Variants in L3MBTL3 observed in about 807,000 individuals in gnomAD.
L3MBTL3 encodes L3MBTL histone methyl-lysine binding protein 3.
A neutral mutation model predicts 102.3 loss-of-function variants in L3MBTL3; 27 were observed. That is an observed-to-expected ratio of 0.26 (90% confidence interval 0.19 to 0.36). The LOEUF (loss-of-function observed/expected upper bound fraction) is 0.36. Among genes scored for constraint, L3MBTL3 ranks in the 10% least tolerant of loss-of-function variants. The pLI is 1.00. For synonymous variants in L3MBTL3, 340 were observed against 320.9 expected (o/e 1.06, Z -0.64); for missense variants, 798 against 955.3 (o/e 0.84, Z 2.17).
intron 10 of L3MBTL3, among the ~76,000 whole-genome samples, chr6:130,065,981 G>A (rs1239740670): frequency 6.6e-6 from 1 of 152,102 alleles, no homozygotes; most frequent in African/African-American, 2.4e-5. Context: ...GTCCACTCTG[G>A]GGCCATGCTA....
Position 130,104,505 on chromosome 6 carries a change from C to G in L3MBTL3, c.1816C>G (p.Pro606Ala). 6.3e-7 allele frequency: 1 copy of G among 1,596,582 alleles called. No individual in the cohort carries two copies. The highest frequency in any genetic ancestry group is 8.5e-7 in the Non-Finnish European group (1 of 1,172,546). ...AGACCGCTTAAGTGGTGAGATGCCT[C>G]CGGCTAGTCCGTCATTTCCAAGAAA... ...FPDRLSGEMP[P>A]ASPSFPRNKR... Residue 606 changes from proline (P) to alanine (A), a missense_variant, in exon 19 of 23, where the codon CCG becomes GCG. By Grantham distance (27) the Pro-to-Ala change is conservative (BLOSUM62 -1). Transcript: ENST00000361794.
At chr6:130,020,990 G>A (rs1406547268) in intron 1 of L3MBTL3, among the ~76,000 whole-genome samples, 3 of 151,906 alleles carry the variant, frequency 2.0e-5, no homozygotes, top group Non-Finnish European at 2.9e-5. Context: ...TTTGGGGTGG[G>A]GGGGCGCGGC....
At position 130,092,836 on chromosome 6, in the gene L3MBTL3, G is replaced by A; in HGVS notation, c.1610G>A (p.Gly537Glu). ...CCTGTAGGCTGGTGTTCAAAAACAG[G>A]ACATCCCCTTCAGCCTCCTTTGAGT... ...IHPVGWCSKT[G>E]HPLQPPLSPL... Residue 537 changes from glycine to glutamate, a missense_variant, in exon 17 of 23, where the codon GGA becomes GAA. Gly to Glu is a moderately conservative substitution (Grantham distance 98, BLOSUM62 -2). This residue lies in a region of L3MBTL3 where 306 missense variants were observed against 314.4 expected (regional missense o/e 0.97). Transcript: ENST00000361794. The A allele has an allele frequency of 6.2e-7, 1 of 1,608,864 alleles. No homozygotes were observed. Among genetic ancestry groups the A allele is most frequent in the Non-Finnish European group, 8.5e-7 (1 of 1,175,386 alleles).
chr6:130,112,954 T>A (rs530233359), intron 19 of L3MBTL3, among the ~76,000 whole-genome samples: 1 of 152,322 alleles, frequency 6.6e-6, no homozygotes, highest in African/African-American at 2.4e-5. Context: ...TTCCTCACTG[T>A]GGACAGTGGC....
chr6:130,042,612 A>C lies in L3MBTL3; in HGVS notation c.-15-73A>C, dbSNP rs1248001028. The C allele has an allele frequency of 3.6e-6, 3 of 834,328 alleles. No homozygotes were observed. The African/African-American group carries it at 5.1e-5, about 14-fold the overall frequency. The allele number at this position is 834,328 out of a possible 1,614,324, so 51.7% of individuals were successfully genotyped here. Reference sequence around the variant, plus strand: ...AAATTATGTAATTAAGGGAAACTGAACTAACGAGTACTAAATTAAAAACAG... The same window carrying C: ...AAATTATGTAATTAAGGGAAACTGACCTAACGAGTACTAAATTAAAAACAG... On this transcript the variant is annotated intron_variant, in intron 2 of 22. Coordinates refer to ENST00000361794, the MANE Select transcript of L3MBTL3 (RefSeq NM_032438.4).
chr6:130,030,455 G>A (rs1039512941), intron 2 of L3MBTL3, among the ~76,000 whole-genome samples: 4 of 151,876 alleles, frequency 2.6e-5, no homozygotes, highest in African/African-American at 7.3e-5. Flanking sequence ...GAGGTCAGGA[G>A]ATCGAGACCA....
chr6:130,046,313 G>A (rs1425981050), intron 3 of L3MBTL3, among the ~76,000 whole-genome samples: 1 of 152,086 alleles, frequency 6.6e-6, no homozygotes, highest in Non-Finnish European at 1.5e-5. Context: ...TTTTTGCCTT[G>A]CTTTGATTAA....
intron 22 of L3MBTL3, 48 bp from the exon 23 acceptor site, chr6:130,139,562 A>G (rs753090765): frequency 6.4e-7 from 1 of 1,562,874 alleles, no homozygotes; most frequent in South Asian, 1.1e-5. Context: ...TTTCTACAAC[A>G]CTGCATCTTG....
intron 19 of L3MBTL3, among the ~76,000 whole-genome samples, chr6:130,111,855 A>G (rs938315183): frequency 1.3e-5 from 2 of 152,192 alleles, no homozygotes; most frequent in African/African-American, 4.8e-5. Context: ...CCCCTGCTCA[A>G]AACTCAATGA....
chr6:130,104,506 C>G lies in L3MBTL3; in HGVS notation c.1817C>G (p.Pro606Arg). Residue 606 changes from proline to arginine, a missense_variant, in exon 19 of 23, where the codon CCG (proline) becomes CGG (arginine). By Grantham distance (103) the Pro-to-Arg change is moderately radical. Coordinates refer to ENST00000361794, the MANE Select transcript of L3MBTL3 (RefSeq NM_032438.4). Reference protein sequence around the residue: ...FPDRLSGEMPPASPSFPRNKR... With the variant: ...FPDRLSGEMPRASPSFPRNKR... ...GACCGCTTAAGTGGTGAGATGCCTC[C>G]GGCTAGTCCGTCATTTCCAAGAAAT... 1 of 1,595,456 alleles carries G rather than the reference C, an allele frequency of 6.3e-7. No individual in the cohort carries two copies. The highest frequency in any genetic ancestry group is 8.5e-7 in the Non-Finnish European group (1 of 1,171,926).
At chr6:130,070,827 G>C in intron 12 of L3MBTL3, 149 bp from the exon 13 acceptor site, 1 of 165,272 alleles carries the variant, frequency 6.1e-6, no homozygotes, top group Admixed American at 7.6e-5. Flanking sequence ...GTTGGAAAGC[G>C]ACCCTGCTGT....
At chr6:130,021,469 G>A (rs1779011495) in intron 1 of L3MBTL3, among the ~76,000 whole-genome samples, 1 of 152,198 alleles carries the variant, frequency 6.6e-6, no homozygotes, top group South Asian at 2.1e-4. Context: ...CTTTTATTCA[G>A]AGATTTGAGA....
chr6:130,058,149 C>CAA lies in L3MBTL3; in HGVS notation c.759+678_759+679dup, dbSNP rs61250078. Among the ~76,000 whole-genome samples, 404 of 89,112 alleles carry CAA rather than the reference C, an allele frequency of 4.5e-3. 50 individuals carry two copies. The highest frequency in any genetic ancestry group is 0.021 in the African/African-American group (366 of 17,352). 58.5% of individuals were successfully genotyped at this position (89,112 alleles called of 152,430 possible). On this transcript the variant is annotated intron_variant, in intron 9 of 22. Transcript: ENST00000361794. The stretch of plus-strand genomic sequence containing the variant: ...TGGGCAACAGAGCAAGACTCCGTCT[C>CAA]AAAAAAAAAAAAAAAAAAAAAAAAA...
intron 13 of L3MBTL3, 137 bp from the exon 14 acceptor site, chr6:130,078,420 AT>A: frequency 3.1e-5 from 17 of 556,056 alleles, no homozygotes; most frequent in Admixed American, 1.1e-4. Flanking sequence ...TTGGTTTAGC[AT>A]TTTTTTCCAA....
intron 2 of L3MBTL3, among the ~76,000 whole-genome samples, chr6:130,041,837 A>G (rs971812730): frequency 6.6e-6 from 1 of 152,176 alleles, no homozygotes; most frequent in Non-Finnish European, 1.5e-5. Context: ...AGCTTCTTCT[A>G]TGGGGAGAAT....
chr6:130,041,674 C>A (rs960598424), intron 2 of L3MBTL3, among the ~76,000 whole-genome samples: 1 of 152,120 alleles, frequency 6.6e-6, no homozygotes, highest in Non-Finnish European at 1.5e-5. Context: ...CTTTCTTTGG[C>A]CAGAAGAAAG....
At position 130,052,901 on chromosome 6, in the gene L3MBTL3, A is replaced by G. The variant is rs1781194854; in HGVS notation, c.492A>G (p.Glu164=). The change falls in exon 7 of 23, where the codon GAA becomes GAG. Residue 164 remains glutamate, a synonymous_variant. Coordinates refer to ENST00000361794, the MANE Select transcript of L3MBTL3 (RefSeq NM_032438.4). ...GGGACGTAGAAGAAGACAATGAGGAAGAAGATCCTAAGTGTAGTCGGAAGA... is the reference window on the plus strand; with the variant it reads ...GGGACGTAGAAGAAGACAATGAGGAGGAAGATCCTAAGTGTAGTCGGAAGA... The part of the protein sequence containing the change: ...EERDVEEDNE[E]EDPKCSRKKK... The G allele has an allele frequency of 1.2e-6, 2 of 1,613,892 alleles. No individual in the cohort carries two copies. The highest frequency in any genetic ancestry group is 8.5e-7 in the Non-Finnish European group (1 of 1,179,870).
At chr6:130,118,663 AAAT>A (rs760451350) in intron 19 of L3MBTL3, among the ~76,000 whole-genome samples, 49 of 152,198 alleles carry the variant, frequency 3.2e-4, no homozygotes, top group Admixed American at 5.2e-4. Flanking sequence ...TGTTTGGTAA[AAAT>A]ACATATCTGT....
intron 4 of L3MBTL3, 133 bp downstream of exon 4, chr6:130,049,526 C>T: frequency 2.8e-6 from 2 of 726,162 alleles, no homozygotes; most frequent in South Asian, 3.9e-5. Context: ...AGGTAAATTT[C>T]TATAATGAAA....
Sources: allele counts gnomAD v4.1 joint callset (sites outside exome capture counted in the v4.1 genomes callset), GRCh38; gene constraint gnomAD v4.1.1; regional missense constraint gnomAD v4.1.1; transcripts MANE v1.5; gene names NCBI Gene and HGNC (gene_info 2026-07-23, HGNC 2026-07-21).